The following NUBPL variants were observed in gnomAD, a reference collection of about 807,000 sequenced individuals.
NUBPL encodes NUBP iron-sulfur cluster assembly factor, mitochondrial, also known as iron-sulfur cluster transfer protein NUBPL.
NUBPL carries 31 observed loss-of-function variants against 45.7 expected under a neutral mutation model. The observed-to-expected ratio is 0.68, with a 90% CI of 0.51 to 0.92. The LOEUF is 0.92. Ranked by LOEUF, NUBPL falls within the 40% of genes least tolerant of loss-of-function variation. The pLI is 0.00. For missense variants in NUBPL, 401 were observed against 398.7 expected, an observed-to-expected ratio of 1.01 and a Z score of -0.05; for synonymous variants, 144 against 140.9, an observed-to-expected ratio of 1.02 and a Z score of -0.15.
chr14:31,580,880 T>C (rs1383001878), intron 3 of NUBPL, among the ~76,000 whole-genome samples: 1 of 152,196 alleles, frequency 6.6e-6, no homozygotes, highest in African/African-American at 2.4e-5. Context: ...GATAGAGGCA[T>C]GTCATGCAAA....
intron 4 of NUBPL, among the ~76,000 whole-genome samples, chr14:31,635,926 T>C (rs1361781086): frequency 3.9e-5 from 6 of 152,214 alleles, no homozygotes; most frequent in East Asian, 1.9e-4. Context: ...CTTGTGATTT[T>C]TGTACATTGA....
chr14:31,601,251 C>T (rs2034425933), intron 4 of NUBPL, among the ~76,000 whole-genome samples: 1 of 151,980 alleles, frequency 6.6e-6, no homozygotes, highest in African/African-American at 2.4e-5. Flanking sequence ...TTTTTTGGTT[C>T]CATATGAACT....
At chr14:31,621,157 T>G (rs906354013) in intron 4 of NUBPL, among the ~76,000 whole-genome samples, 17 of 152,160 alleles carry the variant, frequency 1.1e-4, no homozygotes, top group Non-Finnish European at 8.8e-5. Context: ...CGTCCCAGGT[T>G]GACCTCAGAC....
chr14:31,616,088 GTCT>G (rs1190881355), intron 4 of NUBPL, among the ~76,000 whole-genome samples: 1 of 152,148 alleles, frequency 6.6e-6, no homozygotes, highest in Non-Finnish European at 1.5e-5. Context: ...CCACATGAAT[GTCT>G]TCTTTTGAGA....
In NUBPL at chr14:31,666,263, A is replaced by ATATATATTTATTTATTATTT; in HGVS notation, c.383-7092_383-7091insTATATATTTATTTATTATTT. On this transcript the variant is annotated intron_variant, in intron 4 of 10. Transcript: ENST00000281081. Reference sequence around the variant, plus strand: ...TATATATATATATATATATATATATAATTTTATTTTATTTTTTTTGAGACG... The same window carrying ATATATATTTATTTATTATTT: ...TATATATATATATATATATATATATATATATATTTATTTATTATTTATTTTATTTTATTTTTTTTGAGACG... 1.3e-3 allele frequency among the ~76,000 whole-genome samples: 145 copies of ATATATATTTATTTATTATTT among 111,854 alleles called. 2 individuals carry two copies. Among genetic ancestry groups the ATATATATTTATTTATTATTT allele is most frequent in the African/African-American group, 2.5e-3 (82 of 32,598 alleles). 73.4% of individuals were successfully genotyped at this position (111,854 alleles called of 152,430 possible).
intron 3 of NUBPL, among the ~76,000 whole-genome samples, chr14:31,570,246 A>G (rs2033546165): frequency 6.6e-6 from 1 of 152,176 alleles, no homozygotes; most frequent in Non-Finnish European, 1.5e-5. Context: ...TTTTTTTGGT[A>G]TATAGTTGAA....
intron 7 of NUBPL, among the ~76,000 whole-genome samples, chr14:31,810,606 A>C (rs989727597): frequency 6.6e-6 from 1 of 152,200 alleles, no homozygotes; most frequent in Non-Finnish European, 1.5e-5. Context: ...TGGGGCATTT[A>C]GCCCATTTAC....
At chr14:31,631,189 T>C (rs575602919) in intron 4 of NUBPL, among the ~76,000 whole-genome samples, 1 of 152,144 alleles carries the variant, frequency 6.6e-6, no homozygotes, top group African/African-American at 2.4e-5. Flanking sequence ...GTCTAAAACA[T>C]AGTTTTTATG....
intron 4 of NUBPL, among the ~76,000 whole-genome samples, chr14:31,601,541 G>GA (rs1301463893): frequency 1.3e-5 from 2 of 151,190 alleles, no homozygotes; most frequent in East Asian, 1.9e-4. Flanking sequence ...AAATTTACAA[G>GA]AAAAAAAACA....
intron 4 of NUBPL, among the ~76,000 whole-genome samples, chr14:31,618,803 A>G (rs1015809713): frequency 5.3e-5 from 8 of 151,366 alleles, no homozygotes; most frequent in African/African-American, 1.7e-4. Context: ...GCTTGGTCCT[A>G]ACTTGAACTC....
At chr14:31,765,279 A>G (rs1344018127) in intron 6 of NUBPL, among the ~76,000 whole-genome samples, 4 of 152,248 alleles carry the variant, frequency 2.6e-5, no homozygotes. Context: ...AAAGCCATTT[A>G]ACTCCACTTA....
At chr14:31,819,901 GA>G (rs1172831418) in intron 7 of NUBPL, among the ~76,000 whole-genome samples, 1 of 152,108 alleles carries the variant, frequency 6.6e-6, no homozygotes, top group African/African-American at 2.4e-5. Flanking sequence ...AGCACTTTAG[GA>G]GGCTGAGGTG....
At chr14:31,799,422 T>C (rs1261839826) in intron 7 of NUBPL, among the ~76,000 whole-genome samples, 1 of 152,144 alleles carries the variant, frequency 6.6e-6, no homozygotes, top group Non-Finnish European at 1.5e-5. Flanking sequence ...AGAAATAAGG[T>C]AATTTCTTAA....
At chr14:31,688,932 G>A (rs1278992073) in intron 6 of NUBPL, among the ~76,000 whole-genome samples, 17 of 151,626 alleles carry the variant, frequency 1.1e-4, no homozygotes, top group East Asian at 3.9e-4. Context: ...TTTCTGTTCC[G>A]GCATTAGGTT....
intron 4 of NUBPL, among the ~76,000 whole-genome samples, chr14:31,635,368 T>A (rs2035462875): frequency 6.6e-6 from 1 of 152,168 alleles, no homozygotes; most frequent in East Asian, 1.9e-4. Flanking sequence ...ATTGCTTATT[T>A]TTCTCAGGTT....
intron 6 of NUBPL, chr14:31,771,970 C>T: frequency 1.4e-6 from 1 of 715,342 alleles, no homozygotes; most frequent in Non-Finnish European, 1.7e-6. Context: ...CCTTCAAGTG[C>T]TCTAATACCT....
intron 6 of NUBPL, among the ~76,000 whole-genome samples, chr14:31,678,547 T>C (rs1233607364): frequency 6.6e-6 from 1 of 152,170 alleles, no homozygotes; most frequent in Non-Finnish European, 1.5e-5. Context: ...CTTCAAGGTA[T>C]CGGGTTACCT....
chr14:31,851,383 A>T (rs8004536), intron 10 of NUBPL, among the ~76,000 whole-genome samples: 39,865 of 152,034 alleles, frequency 0.26, 7,917 homozygotes, highest in African/African-American at 0.56. Context: ...GTTTGGTTAG[A>T]GCTGTAAAGT....
intron 4 of NUBPL, among the ~76,000 whole-genome samples, chr14:31,611,824 A>C (rs927110099): frequency 6.6e-6 from 1 of 152,214 alleles, no homozygotes; most frequent in African/African-American, 2.4e-5. Flanking sequence ...GTGGGGGAAA[A>C]GATGGTCTCT....
Sources: allele counts gnomAD v4.1 joint callset (sites outside exome capture counted in the v4.1 genomes callset), GRCh38; gene constraint gnomAD v4.1.1; transcripts MANE v1.5; gene names NCBI Gene and HGNC (gene_info 2026-07-23, HGNC 2026-07-21).